The following ADAM15 variants were observed in gnomAD, a reference collection of about 807,000 sequenced individuals.
ADAM15 encodes the protein ADAM metallopeptidase domain 15.
Under a neutral mutation model 113.8 loss-of-function variants are expected in ADAM15, and 77 were observed. The observed-to-expected ratio is 0.68, with a 90% CI of 0.56 to 0.82. The LOEUF (loss-of-function observed/expected upper bound fraction) is 0.82. Ranked by LOEUF, ADAM15 falls within the 40% of genes least tolerant of loss-of-function variation. ADAM15 has a pLI of 0.00. For missense variants in ADAM15, 963 were observed against 1,120.1 expected, an observed-to-expected ratio of 0.86 and a Z score of 2.00; for synonymous variants, 388 against 454.1, an observed-to-expected ratio of 0.85 and a Z score of 1.85.
Position 155,062,691 on chromosome 1 carries a change from G to C in ADAM15, c.*189G>C, listed in dbSNP as rs868364403. 1 of 771,980 alleles carries C rather than the reference G, an allele frequency of 1.3e-6. No homozygotes were observed. Among genetic ancestry groups the C allele is most frequent in the Admixed American group, 2.7e-5 (1 of 36,486 alleles). 47.8% of individuals were successfully genotyped at this position (771,980 alleles called of 1,614,324 possible). ...CGTAGTTGCAGCGGGGGCTTGGGGA[G>C]GGGCTGGGGGTTGGACGGGATTGAG... On this transcript the variant is annotated 3_prime_UTR_variant, in exon 23 of 23. Coordinates refer to ENST00000356955, the MANE Select transcript of ADAM15 (RefSeq NM_207197.3). The surrounding 1 kb of genome is among the most constrained non-coding windows in gnomAD (Gnocchi z 7.0).
In ADAM15 at chr1:155,054,342, A is replaced by G. The variant is rs748898385; in HGVS notation, c.448A>G (p.Ser150Gly). 49 of 1,605,130 alleles carry G rather than the reference A, an allele frequency of 3.1e-5. No individual in the cohort carries two copies. The highest frequency in any genetic ancestry group is 1.7e-4 in the Middle Eastern group (1 of 6,032). The change falls in exon 6 of 23, where the codon AGC becomes GGC. Residue 150 changes from serine to glycine, a missense_variant. Ser to Gly is a moderately conservative substitution (Grantham distance 56). Coordinates refer to ENST00000356955, the MANE Select transcript of ADAM15 (RefSeq NM_207197.3). Reference protein sequence around the residue: ...RGLVVLTPERSYTLEQGPGDL... With the variant: ...RGLVVLTPERGYTLEQGPGDL... ...CTTGGTGGTCCTGACCCCAGAGAGA[A>G]GCTATACCCTGGAGCAGGGGCCTGG...
At position 155,054,354 on chromosome 1, in the gene ADAM15, G is replaced by C. The variant is rs773958488; in HGVS notation, c.460G>C (p.Glu154Gln). 6 of 1,611,950 alleles carry C rather than the reference G, an allele frequency of 3.7e-6. No individual in the cohort carries two copies. Among genetic ancestry groups the C allele is most frequent in the East Asian group, 2.2e-5 (1 of 44,846 alleles). The change falls in exon 6 of 23, where the codon GAG (glutamate) becomes CAG (glutamine). Residue 154 changes from glutamate to glutamine, a missense_variant. Glu to Gln is a conservative substitution (Grantham distance 29). Coordinates refer to ENST00000356955, the MANE Select transcript of ADAM15 (RefSeq NM_207197.3). ...GACCCCAGAGAGAAGCTATACCCTG[G>C]AGCAGGGGCCTGGGGACCTTCAGGG... ...VLTPERSYTLEQGPGDLQGPP... is the reference protein window; with the variant it reads ...VLTPERSYTLQQGPGDLQGPP...
chr1:155,055,847 T>C lies in ADAM15; in HGVS notation c.670T>C (p.Ser224Pro), dbSNP rs767382406. ...GGAGTTGGTGATTGTGGCTGATCAC[T>C]CGGAGGTGAGCCTGCTGGCCCCTGC... ...TVELVIVADHSEAQKYRDFQH... is the reference protein window; with the variant it reads ...TVELVIVADHPEAQKYRDFQH... Residue 224 changes from serine to proline, a missense_variant, in exon 7 of 23, where the codon TCG becomes CCG. Coordinates refer to ENST00000356955, the MANE Select transcript of ADAM15 (RefSeq NM_207197.3). 9 of 1,614,192 alleles carry C rather than the reference T, an allele frequency of 5.6e-6. No homozygotes were observed. The East Asian group carries it at 2.0e-4, about 36-fold the overall frequency.
intron 1 of ADAM15, 100 bp downstream of exon 1, chr1:155,051,565 A>T: frequency 8.4e-7 from 1 of 1,187,198 alleles, no homozygotes; most frequent in Middle Eastern, 2.5e-4. Flanking sequence ...AGACCCTGGG[A>T]GAGCCCAGCC....
Position 155,051,476 on chromosome 1 carries a change from C to T in ADAM15, c.79+11C>T. On this transcript the variant is annotated intron_variant, in intron 1 of 22. Transcript: ENST00000356955. ...CGCTCCCAAATATAGGTGAGTCCTC[C>T]GCCTGGAGTGGGTCGGGGGGCGGAC... 1.3e-6 allele frequency: 2 copies of T among 1,552,118 alleles called. No individual in the cohort carries two copies. Among genetic ancestry groups the T allele is most frequent in the African/African-American group, 1.4e-5 (1 of 71,152 alleles).
At position 155,057,569 on chromosome 1, in the gene ADAM15, G is replaced by A. The variant is rs1661945676; in HGVS notation, c.1324-68G>A. 2 of 1,575,556 alleles carry A rather than the reference G, an allele frequency of 1.3e-6. No individual in the cohort carries two copies. Among genetic ancestry groups the A allele is most frequent in the African/African-American group, 2.7e-5 (2 of 74,252 alleles). On this transcript the variant is annotated intron_variant, in intron 12 of 22. Transcript: ENST00000356955. This position sits in a 1 kb window ranked among gnomAD's most constrained non-coding sequence, Gnocchi z 5.0. ...TTCTGGTCTTGGCCTGTGGGAGGAG[G>A]AGAGATTGGAGGGAGGCTCACAGGC...
chr1:155,051,558 C>T, intron 1 of ADAM15, 93 bp downstream of exon 1: 2 of 1,231,828 alleles, frequency 1.6e-6, no homozygotes. Context: ...CGGACGGAGA[C>T]CCTGGGAGAG....
Position 155,052,716 on chromosome 1 carries a change from A to G in ADAM15, c.125A>G (p.Glu42Gly). The G allele has an allele frequency of 6.2e-7, 1 of 1,612,238 alleles. No homozygotes were observed. Among genetic ancestry groups the G allele is most frequent in the Non-Finnish European group, 8.5e-7 (1 of 1,179,566 alleles). Residue 42 changes from glutamate (E) to glycine (G), a missense_variant, in exon 2 of 23, where the codon GAG becomes GGG. Coordinates refer to ENST00000356955, the MANE Select transcript of ADAM15 (RefSeq NM_207197.3). ...QQAESEKAPR[E>G]PLEPQVLQDD... ...GCAGAGTCAGAGAAGGCCCCGAGGG[A>G]GCCCTTGGAGCCCCAGGTCCTTCAG...
intron 17 of ADAM15, 101 bp downstream of exon 17, chr1:155,060,075 G>C (rs1219539249): frequency 3.2e-6 from 5 of 1,572,736 alleles, no homozygotes; most frequent in Admixed American, 1.7e-5. Flanking sequence ...TTTGCTGCTG[G>C]TTCCCTGAGT....
At chr1:155,052,617 C>G (rs1258604546) in intron 1 of ADAM15, 54 bp from the exon 2 acceptor site, 1 of 1,558,320 alleles carries the variant, frequency 6.4e-7, no homozygotes, top group South Asian at 1.2e-5. Flanking sequence ...CTGTCACCCC[C>G]AGCCCTGCTG....
intron 20 of ADAM15, 156 bp from the exon 21 acceptor site, chr1:155,061,748 T>G (rs1176206237): frequency 1.2e-5 from 11 of 914,352 alleles, no homozygotes; most frequent in Non-Finnish European, 1.8e-5. Context: ...CCCTGAGACA[T>G]CAGCTGGCAT....
chr1:155,057,394 C>T lies in ADAM15; in HGVS notation c.1323+32C>T, dbSNP rs780237873. Reference sequence around the variant, plus strand: ...CCCTTTCCCAAAGCCTCGCCCCACTCACTTCTGTACCCTCACCCTGGCTCA... The same window carrying T: ...CCCTTTCCCAAAGCCTCGCCCCACTTACTTCTGTACCCTCACCCTGGCTCA... On this transcript the variant is annotated intron_variant, in intron 12 of 22. Coordinates refer to ENST00000356955, the MANE Select transcript of ADAM15 (RefSeq NM_207197.3). This position sits in a 1 kb window ranked among gnomAD's most constrained non-coding sequence, Gnocchi z 5.0. 1 of 1,611,488 alleles carries T rather than the reference C, an allele frequency of 6.2e-7. No individual in the cohort carries two copies. Among genetic ancestry groups the T allele is most frequent in the South Asian group, 1.1e-5 (1 of 90,986 alleles).
In ADAM15 at chr1:155,054,422, C is replaced by A; in HGVS notation, c.528C>A (p.Gly176=). ...ISRIQDLHLP[G]HTCALSWRES... The stretch of plus-strand genomic sequence containing the variant: ...GAATCCAAGATCTCCACCTGCCAGG[C>A]CACACCTGTGCCCTGAGCTGGCGGG... The change falls in exon 6 of 23, where the codon GGC becomes GGA. Residue 176 remains glycine (G), a synonymous_variant. Transcript: ENST00000356955. 1.2e-6 allele frequency: 2 copies of A among 1,614,018 alleles called. No homozygotes were observed. The highest frequency in any genetic ancestry group is 1.7e-6 in the Non-Finnish European group (2 of 1,179,956).
chr1:155,057,194 A>T lies in ADAM15; in HGVS notation c.1155A>T (p.Leu385=). Residue 385 remains leucine, a synonymous_variant, in exon 12 of 23, where the codon CTA becomes CTT. Coordinates refer to ENST00000356955, the MANE Select transcript of ADAM15 (RefSeq NM_207197.3). This position sits in a 1 kb window ranked among gnomAD's most constrained non-coding sequence, Gnocchi z 5.0. ...TCIMEASTDF[L]PGLNFSNCSR... is the part of the protein sequence containing the mutation. ...TCCTTGCCACCCTCCCCAGCTTCCT[A>T]CCAGGCCTGAACTTCAGCAACTGCA... 1 of 1,612,168 alleles carries T rather than the reference A, an allele frequency of 6.2e-7. No individual in the cohort carries two copies. The highest frequency in any genetic ancestry group is 8.5e-7 in the Non-Finnish European group (1 of 1,178,468).
Position 155,058,819 on chromosome 1 carries a change from C to T in ADAM15, c.1995+32C>T. Reference sequence around the variant, plus strand: ...TGGGATGGGGGAAGTGGAAGGGGAGCAGAGAGCCTCTAGAGAGGAAAAGGA... The same window carrying T: ...TGGGATGGGGGAAGTGGAAGGGGAGTAGAGAGCCTCTAGAGAGGAAAAGGA... On this transcript the variant is annotated intron_variant, in intron 16 of 22. Transcript: ENST00000356955. This position sits in a 1 kb window ranked among gnomAD's most constrained non-coding sequence, Gnocchi z 4.3. 6.3e-7 allele frequency: 1 copy of T among 1,594,616 alleles called. No individual in the cohort carries two copies. The highest frequency in any genetic ancestry group is 2.2e-5 in the East Asian group (1 of 44,610).
Position 155,054,200 on chromosome 1 carries a change from G to C in ADAM15, c.393G>C (p.Val131=). 6.2e-7 allele frequency: 1 copy of C among 1,608,196 alleles called. No individual in the cohort carries two copies. Among genetic ancestry groups the C allele is most frequent in the Non-Finnish European group, 8.5e-7 (1 of 1,178,316 alleles). Residue 131 remains valine, a synonymous_variant, in exon 5 of 23, where the codon GTG becomes GTC. Transcript: ENST00000356955. The part of the protein sequence containing the change: ...GRVRGYAGSW[V]SICTCSGLRG... ...TGCGGGGATATGCAGGCTCCTGGGT[G>C]TCCATCTGCACCTGCTCTGGGCTCA...
rs1662103184 is a variant in ADAM15, at chr1:155,058,507, C to T, written c.1917+66C>T. The stretch of plus-strand genomic sequence containing the variant: ...CATTTGGACCACAATGAACAGAGCC[C>T]AGACTTCACCATTCACCAATGTCAA... On this transcript the variant is annotated intron_variant, in intron 15 of 22. Coordinates refer to ENST00000356955, the MANE Select transcript of ADAM15 (RefSeq NM_207197.3). This position sits in a 1 kb window ranked among gnomAD's most constrained non-coding sequence, Gnocchi z 4.3. 1 of 1,580,644 alleles carries T rather than the reference C, an allele frequency of 6.3e-7. No individual in the cohort carries two copies. The highest frequency in any genetic ancestry group is 1.3e-5 in the African/African-American group (1 of 74,496).
rs756992422 is a variant in ADAM15, at chr1:155,058,351, G to A, written c.1827G>A (p.Glu609=). Residue 609 remains glutamate (E), a synonymous_variant, in exon 15 of 23, where the codon GAG becomes GAA. Transcript: ENST00000356955. This position sits in a 1 kb window ranked among gnomAD's most constrained non-coding sequence, Gnocchi z 4.3. ...LWETIDVNGT[E]LNCSWVHLDL... ...AGACAATAGATGTGAATGGGACTGA[G>A]CTGAACTGCAGCTGGGTGCACCTGG... The A allele has an allele frequency of 6.2e-7, 1 of 1,614,040 alleles. No individual in the cohort carries two copies. The highest frequency in any genetic ancestry group is 1.3e-5 in the African/African-American group (1 of 75,058).
chr1:155,056,155 A>C lies in ADAM15; in HGVS notation c.820A>C (p.Ser274Arg). 6.2e-7 allele frequency: 1 copy of C among 1,614,016 alleles called. No homozygotes were observed. The highest frequency in any genetic ancestry group is 1.1e-5 in the South Asian group (1 of 91,088). ...AWTQRDLVEISPNPAVTLENF... is the reference protein window; with the variant it reads ...AWTQRDLVEIRPNPAVTLENF... ...GACCCAGCGTGACCTGGTGGAGATC[A>C]GCCCAAACCCAGCTGTCACCCTCGA... Residue 274 changes from serine to arginine, a missense_variant, in exon 9 of 23, where the codon AGC (serine) becomes CGC (arginine). Ser to Arg is a moderately radical substitution (Grantham distance 110, BLOSUM62 -1). Coordinates refer to ENST00000356955, the MANE Select transcript of ADAM15 (RefSeq NM_207197.3). This position sits in a 1 kb window ranked among gnomAD's most constrained non-coding sequence, Gnocchi z 4.0.
Sources: gnomAD v4.1 joint callset for allele counts on GRCh38, gnomAD v4.1.1 for gene constraint, Gnocchi (gnomAD v3.1) non-coding constraint, MANE v1.5 for transcripts, NCBI Gene and HGNC (gene_info 2026-07-23, HGNC 2026-07-21) for gene names.